ARHGAP29: variants seen among roughly 807,000 people sequenced by gnomAD.
ARHGAP29 encodes Rho GTPase activating protein 29.
In ARHGAP29, 43 loss-of-function variants were observed where a neutral mutation model predicts 122.6. The observed-to-expected ratio is 0.35, with a 90% CI of 0.27 to 0.45. The LOEUF is 0.45. Among genes scored for constraint, ARHGAP29 ranks in the 20% least tolerant of loss-of-function variants. The pLI, the probability that ARHGAP29 is intolerant of heterozygous loss-of-function variation, is 1.00. For missense variants in ARHGAP29, 1,303 were observed against 1,477.2 expected (o/e 0.88, Z 1.93); for synonymous variants, 506 against 497.1 (o/e 1.02, Z -0.24).
chr1:94,214,042 G>A (rs55866925), intron 3 of ARHGAP29, among the ~76,000 whole-genome samples: 30,262 of 152,162 alleles, frequency 0.2, 3,582 homozygotes, highest in East Asian at 0.32. Flanking sequence ...TCTGCAAAAT[G>A]AGAGGTGATA....
rs1477945894 is a variant in ARHGAP29 at position 94,231,420 on chromosome 1, T to C, written c.192A>G (p.Glu64=). The change falls in exon 2 of 23, where the codon GAA becomes GAG. Residue 64 remains glutamate, a synonymous_variant. Coordinates refer to ENST00000260526, the MANE Select transcript of ARHGAP29 (RefSeq NM_004815.4). Reference sequence around the variant, plus strand: ...AAAGTGACAAACCTGAAAATATGGCTTCTTTCAAATATAGTAACATGTGGG... The same window carrying C: ...AAAGTGACAAACCTGAAAATATGGCCTCTTTCAAATATAGTAACATGTGGG... ...KFSHMLLYLK[E]AIFSDCFKEV... The C allele has an allele frequency of 6.2e-7, 1 of 1,612,764 alleles. No homozygotes were observed. The highest frequency in any genetic ancestry group is 2.2e-5 in the East Asian group (1 of 44,864).
the ARHGAP29 span, among the ~76,000 whole-genome samples, chr1:94,291,433 G>T: frequency 1.3e-5 from 2 of 152,018 alleles, no homozygotes; most frequent in African/African-American, 4.8e-5. Flanking sequence ...TTTTAATTGG[G>T]GCATTTAGCC....
chr1:94,247,456 CT>C (rs1427146906), intron 1 of ARHGAP29, among the ~76,000 whole-genome samples: 11 of 151,704 alleles, frequency 7.3e-5, no homozygotes, highest in Admixed American at 5.3e-4. Context: ...GGGCGCGCCC[CT>C]AGCCCCTGCC....
At chr1:94,287,385 T>C in the ARHGAP29 span, among the ~76,000 whole-genome samples, 1 of 152,068 alleles carries the variant, frequency 6.6e-6, no homozygotes, top group East Asian at 1.9e-4. Context: ...GCTAGCTCTG[T>C]CTTTCCTGCT....
chr1:94,227,413 G>A (rs1570573989), intron 2 of ARHGAP29, among the ~76,000 whole-genome samples: 1 of 150,760 alleles, frequency 6.6e-6, no homozygotes, highest in Non-Finnish European at 1.5e-5. Flanking sequence ...ACCAAAAAAA[G>A]AAAAGAAAAA....
At chr1:94,215,074 A>G (rs1245313736) in intron 3 of ARHGAP29, among the ~76,000 whole-genome samples, 1 of 151,530 alleles carries the variant, frequency 6.6e-6, no homozygotes, top group Non-Finnish European at 1.5e-5. Context: ...CATTCAATTA[A>G]AAGATGCAAT....
At chr1:94,220,191 T>G in intron 3 of ARHGAP29, 67 bp downstream of exon 3, 1 of 1,575,714 alleles carries the variant, frequency 6.3e-7, no homozygotes, top group Non-Finnish European at 8.7e-7. Flanking sequence ...ATATTCACTA[T>G]AGACCAAAAT....
At position 94,173,944 on chromosome 1, in the gene ARHGAP29, T is replaced by C. The variant is rs1648911988; in HGVS notation, c.3711A>G (p.Pro1237=). ...SEELGLPDVN[P]MCQRPRLKRM... is the part of the protein sequence containing the mutation. ...GTTTTAGCCTTGGTCTCTGACACAT[T>C]GGATTCACATCAGGCAAGCCAAGCT... Residue 1237 remains proline (P), a synonymous_variant, in exon 23 of 23, where the codon CCA becomes CCG. Transcript: ENST00000260526. The C allele has an allele frequency of 1.9e-6, 3 of 1,614,114 alleles. No homozygotes were observed. The highest frequency in any genetic ancestry group is 2.5e-6 in the Non-Finnish European group (3 of 1,180,038).
At chr1:94,178,500 T>C (rs879761016) in intron 20 of ARHGAP29, among the ~76,000 whole-genome samples, 1 of 88,736 alleles carries the variant, frequency 1.1e-5, no homozygotes, top group Non-Finnish European at 2.7e-5. Flanking sequence ...TTAAACATCA[T>C]TGTCAGGTGT....
intron 1 of ARHGAP29, among the ~76,000 whole-genome samples, chr1:94,233,303 T>C (rs1653042716): frequency 1.3e-5 from 2 of 152,024 alleles, no homozygotes; most frequent in South Asian, 4.2e-4. Context: ...TAAGATACAT[T>C]ATTGTATCAT....
chr1:94,251,165 A>G (rs1358366839), intron 1 of ARHGAP29, among the ~76,000 whole-genome samples: 1 of 149,972 alleles, frequency 6.7e-6, no homozygotes, highest in Non-Finnish European at 1.5e-5. Context: ...TGCTATTATC[A>G]TACCCATTTT....
At chr1:94,237,957 A>G (rs1303710170), upstream of ARHGAP29, among the ~76,000 whole-genome samples, 1 of 151,400 alleles carries the variant, frequency 6.6e-6, no homozygotes, top group Admixed American at 6.6e-5. Context: ...AGGGCGCCAC[A>G]CGTCTGAATG....
At chr1:94,224,780 T>C (rs1652517656) in intron 2 of ARHGAP29, among the ~76,000 whole-genome samples, 1 of 152,152 alleles carries the variant, frequency 6.6e-6, no homozygotes, top group Non-Finnish European at 1.5e-5. Flanking sequence ...CTCCAATAAC[T>C]GGTGGCAGCA....
In ARHGAP29 at chr1:94,223,029, C is replaced by T. The variant is rs568572203; in HGVS notation, c.206-2637G>A. 6.6e-5 allele frequency among the ~76,000 whole-genome samples: 10 copies of T among 152,034 alleles called. No homozygotes were observed. In the East Asian group the frequency reaches 7.8e-4, roughly 12 times the overall value. Reference sequence around the variant, plus strand: ...CGTGATCTCCCCTCACTGCAAGCTCCGCCTCCTGGGTTCACGCCATTCTCC... The same window carrying T: ...CGTGATCTCCCCTCACTGCAAGCTCTGCCTCCTGGGTTCACGCCATTCTCC... On this transcript the variant is annotated intron_variant, in intron 2 of 22. Transcript: ENST00000260526.
the ARHGAP29 span, among the ~76,000 whole-genome samples, chr1:94,285,531 A>C: frequency 6.6e-6 from 1 of 152,156 alleles, no homozygotes; most frequent in Admixed American, 6.5e-5. Flanking sequence ...AGTGAGTCAT[A>C]AATTGATTCC....
the ARHGAP29 span, among the ~76,000 whole-genome samples, chr1:94,287,703 C>T: frequency 6.6e-6 from 1 of 152,028 alleles, no homozygotes; most frequent in South Asian, 2.1e-4. Flanking sequence ...ACCCTGTGTC[C>T]ATGTGTTCTC....
chr1:94,186,053 C>T (rs1213936681), intron 16 of ARHGAP29, among the ~76,000 whole-genome samples: 2 of 152,148 alleles, frequency 1.3e-5, no homozygotes, highest in Non-Finnish European at 2.9e-5. Context: ...TAATTCAAGT[C>T]GTTAAGGTAA....
chr1:94,221,517 G>T (rs1652288521), intron 2 of ARHGAP29, among the ~76,000 whole-genome samples: 2 of 150,288 alleles, frequency 1.3e-5, no homozygotes, highest in African/African-American at 4.9e-5. Context: ...TCTGTATGCA[G>T]TCATCTATAT....
chr1:94,209,177 T>C, intron 4 of ARHGAP29, 77 bp downstream of exon 4: 1 of 1,078,950 alleles, frequency 9.3e-7, no homozygotes, highest in Non-Finnish European at 1.4e-6. Context: ...GTTTCCCATG[T>C]ATGTTACTGG....
Sources: allele counts gnomAD v4.1 joint callset (sites outside exome capture counted in the v4.1 genomes callset), GRCh38; gene constraint gnomAD v4.1.1; transcripts MANE v1.5; gene names NCBI Gene and HGNC (gene_info 2026-07-23, HGNC 2026-07-21).